Variants in AOAH observed in about 807,000 individuals in gnomAD.
AOAH encodes the protein acyloxyacyl hydrolase (neutrophil).
A neutral mutation model predicts 92.2 loss-of-function variants in AOAH; 64 were observed. The ratio of observed to expected loss-of-function variants is 0.69; its 90% confidence interval spans 0.57 to 0.86. The LOEUF is 0.86. Among genes scored for constraint, AOAH ranks in the 40% least tolerant of loss-of-function variants. AOAH has a pLI of 0.00. For synonymous variants in AOAH, 263 were observed against 254.5 expected (o/e 1.03, Z -0.32); for missense variants, 656 against 694.6 (o/e 0.94, Z 0.62).
At chr7:36,699,699 C>T (rs1029886699) in intron 1 of AOAH, among the ~76,000 whole-genome samples, 3 of 142,416 alleles carry the variant, frequency 2.1e-5, no homozygotes, top group Non-Finnish European at 3.0e-5. Flanking sequence ...TTATTAATCT[C>T]TTGTTAGATG....
intron 13 of AOAH, among the ~76,000 whole-genome samples, chr7:36,562,868 G>T (rs1459017989): frequency 1.3e-5 from 2 of 151,980 alleles, no homozygotes; most frequent in Non-Finnish European, 2.9e-5. Context: ...AAAAAGGCAG[G>T]CCAGACGCGG....
intron 5 of AOAH, among the ~76,000 whole-genome samples, chr7:36,633,848 C>T (rs538166523): frequency 6.6e-6 from 1 of 152,228 alleles, no homozygotes; most frequent in African/African-American, 2.4e-5. Flanking sequence ...CATGTTGAGC[C>T]GATAATAATT....
intron 19 of AOAH, among the ~76,000 whole-genome samples, chr7:36,523,137 C>G (rs1205855617): frequency 6.6e-6 from 1 of 152,120 alleles, no homozygotes; most frequent in African/African-American, 2.4e-5. Context: ...TCTCAAAGCT[C>G]AGGAAAAAAA....
intron 9 of AOAH, among the ~76,000 whole-genome samples, chr7:36,620,281 T>C (rs1027844265): frequency 2.6e-5 from 4 of 152,178 alleles, no homozygotes; most frequent in Non-Finnish European, 5.9e-5. Context: ...TCCCTTTTCT[T>C]TCCCCGGGAG....
intron 15 of AOAH, among the ~76,000 whole-genome samples, chr7:36,544,908 G>A (rs1261100134): frequency 6.6e-6 from 1 of 152,188 alleles, no homozygotes. Context: ...CCAGATCACT[G>A]TAGTGATCAA....
intron 3 of AOAH, among the ~76,000 whole-genome samples, chr7:36,662,276 A>G (rs1795260383): frequency 1.3e-5 from 2 of 152,240 alleles, no homozygotes; most frequent in Admixed American, 1.3e-4. Context: ...GTGGCTGGCA[A>G]GATGGTTTAT....
chr7:36,631,354 A>G (rs201355023), intron 6 of AOAH, among the ~76,000 whole-genome samples: 19,923 of 150,862 alleles, frequency 0.13, 1,450 homozygotes, highest in South Asian at 0.23. Context: ...TCATCTCAAA[A>G]AAAAAAAAAA....
rs560134900 is a variant in AOAH at position 36,645,921 on chromosome 7, G to T, written c.391-8011C>A. Among the ~76,000 whole-genome samples the T allele has an allele frequency of 6.6e-5, 10 of 151,978 alleles. No homozygotes were observed. In the South Asian group the frequency reaches 1.2e-3, roughly 19 times the overall value. On this transcript the variant is annotated intron_variant, in intron 4 of 20. Transcript: ENST00000617537. ...TCTTTCCTGCTTCTAGGCTAATTTTGCATTGTATAGCTATTAGTATCATCA... is the reference window on the plus strand; with the variant it reads ...TCTTTCCTGCTTCTAGGCTAATTTTTCATTGTATAGCTATTAGTATCATCA...
intron 13 of AOAH, among the ~76,000 whole-genome samples, chr7:36,552,161 A>G (rs2116351852): frequency 6.6e-6 from 1 of 152,044 alleles, no homozygotes; most frequent in African/African-American, 2.4e-5. Flanking sequence ...TAAGCCCAGC[A>G]CTCCCACAAC....
rs79820076 is a variant in AOAH, at chr7:36,710,361, G to A, written c.127+13661C>T. Among the ~76,000 whole-genome samples the A allele has an allele frequency of 2.4e-3, 363 of 152,284 alleles. 2 individuals are homozygous for A. Among genetic ancestry groups the A allele is most frequent in the South Asian group, 3.5e-3 (17 of 4,824 alleles). ...TATGCTACTCACTCCCTAGGAAGAG[G>A]GGCAGACTCTAGTAATTGAGAGTGA... On this transcript the variant is annotated intron_variant, in intron 1 of 20. Coordinates refer to ENST00000617537, the MANE Select transcript of AOAH (RefSeq NM_001637.4).
At chr7:36,604,019 T>A (rs535413154) in intron 11 of AOAH, among the ~76,000 whole-genome samples, 1 of 152,298 alleles carries the variant, frequency 6.6e-6, no homozygotes, top group South Asian at 2.1e-4. Flanking sequence ...AAGATCAAGG[T>A]GCTGGCAAAT....
chr7:36,537,506 G>GTTTTTTTTTTTT (rs67918250), intron 16 of AOAH, among the ~76,000 whole-genome samples: 229 of 134,690 alleles, frequency 1.7e-3, no homozygotes, highest in Non-Finnish European at 2.8e-3. Flanking sequence ...CACCCCTCTT[G>GTTTTTTTTTTTT]TTTTTTTTTT....
chr7:36,522,978 T>G (rs1481629201), intron 19 of AOAH, among the ~76,000 whole-genome samples: 1 of 152,178 alleles, frequency 6.6e-6, no homozygotes, highest in South Asian at 2.1e-4. Flanking sequence ...GGAAATTCTG[T>G]CAGGGGCTTT....
intron 4 of AOAH, among the ~76,000 whole-genome samples, chr7:36,646,466 T>A (rs1794227548): frequency 1.3e-5 from 2 of 152,212 alleles, no homozygotes; most frequent in Admixed American, 1.3e-4. Context: ...GTCATAAGGG[T>A]CTTTTGTTAC....
chr7:36,722,484 G>C lies in AOAH; in HGVS notation c.127+1538C>G, dbSNP rs1004595464. 3.3e-5 allele frequency among the ~76,000 whole-genome samples: 5 copies of C among 152,274 alleles called. No individual in the cohort carries two copies. In the East Asian group the frequency reaches 9.7e-4, roughly 29 times the overall value. On this transcript the variant is annotated intron_variant, in intron 1 of 20. Transcript: ENST00000617537. ...GTGTATTTCCATTTGATGGGCAGTA[G>C]GGTTTTGTTTTGAGAAAAATGAAAA... is the stretch of plus-strand genomic sequence containing the variant.
intron 12 of AOAH, among the ~76,000 whole-genome samples, chr7:36,592,824 T>C (rs1346141914): frequency 6.6e-6 from 1 of 152,248 alleles, no homozygotes; most frequent in Non-Finnish European, 1.5e-5. Context: ...TTACTATCCC[T>C]ATTAGTAAGT....
rs1441022250 is a variant in AOAH at position 36,596,673 on chromosome 7, C to T, written c.847-2243G>A. On this transcript the variant is annotated intron_variant, in intron 11 of 20. Coordinates refer to ENST00000617537, the MANE Select transcript of AOAH (RefSeq NM_001637.4). ...CTGTCTCCAGAAGCTGGAAGAGAGG[C>T]ATGGAATAAATGTTTTCACAGACCC... 1.3e-5 allele frequency among the ~76,000 whole-genome samples: 2 copies of T among 152,132 alleles called. 1 individual carries two copies. Among genetic ancestry groups the T allele is most frequent in the Non-Finnish European group, 2.9e-5 (2 of 68,024 alleles).
intron 12 of AOAH, among the ~76,000 whole-genome samples, chr7:36,585,984 C>A (rs933946766): frequency 2.0e-5 from 3 of 151,978 alleles, no homozygotes; most frequent in African/African-American, 7.3e-5. Flanking sequence ...AGGTGAAGGG[C>A]TTTGTCAATA....
chr7:36,596,458 G>T (rs551068608), intron 11 of AOAH, among the ~76,000 whole-genome samples: 133 of 152,244 alleles, frequency 8.7e-4, no homozygotes, highest in African/African-American at 3.2e-3. Context: ...AAATAGAGTC[G>T]TTGCAGATGT....
Sources: allele counts gnomAD v4.1 joint callset (sites outside exome capture counted in the v4.1 genomes callset), GRCh38; gene constraint gnomAD v4.1.1; transcripts MANE v1.5; gene names NCBI Gene and HGNC (gene_info 2026-07-23, HGNC 2026-07-21).